The following SKAP2 variants were observed in gnomAD, a reference collection of about 807,000 sequenced individuals.
SKAP2 encodes src kinase-associated phosphoprotein 2.
A neutral mutation model predicts 54.9 loss-of-function variants in SKAP2; 28 were observed. The observed-to-expected ratio is 0.51, with a 90% CI of 0.38 to 0.70. The LOEUF is 0.70. SKAP2 is among the 30% of genes least tolerant of loss of function. The pLI, the probability that SKAP2 is intolerant of heterozygous loss-of-function variation, is 0.00. For missense variants in SKAP2, 356 were observed against 424.1 expected (o/e 0.84, Z 1.41); for synonymous variants, 137 against 134.3 (o/e 1.02, Z -0.14).
intron 4 of SKAP2, among the ~76,000 whole-genome samples, chr7:26,834,384 CA>C (rs1311237057): frequency 6.6e-6 from 1 of 151,970 alleles, no homozygotes; most frequent in Non-Finnish European, 1.5e-5. Context: ...AAAAACCCTT[CA>C]AAAAATCAAT....
At chr7:26,673,268 A>G (rs1447066414) in intron 11 of SKAP2, among the ~76,000 whole-genome samples, 3 of 152,054 alleles carry the variant, frequency 2.0e-5, no homozygotes, top group Non-Finnish European at 4.4e-5. Context: ...AGCTCTTAAC[A>G]TCAGCTGAAA....
At chr7:26,820,341 A>G (rs547163096) in intron 4 of SKAP2, among the ~76,000 whole-genome samples, 12 of 152,328 alleles carry the variant, frequency 7.9e-5, no homozygotes, top group African/African-American at 2.9e-4. Flanking sequence ...TATTTATAAA[A>G]TATTTTCTGA....
At chr7:26,848,572 T>A (rs999729995) in intron 3 of SKAP2, among the ~76,000 whole-genome samples, 1 of 152,192 alleles carries the variant, frequency 6.6e-6, no homozygotes, top group Non-Finnish European at 1.5e-5. Flanking sequence ...GAAACACTTC[T>A]GGTCCCAAGA....
chr7:26,854,693 T>C lies in SKAP2; in HGVS notation c.173+92A>G. 4 of 1,298,670 alleles carry C rather than the reference T, an allele frequency of 3.1e-6. No homozygotes were observed. In the South Asian group the frequency reaches 5.5e-5, roughly 18 times the overall value. The allele number at this position is 1,298,670 out of a possible 1,614,324, so 80.4% of individuals were successfully genotyped here. ...ATCAGTTAAACTGGAACATGAAAAA[T>C]TTAACTCCATAATAATCGATTTCTT... On this transcript the variant is annotated intron_variant, in intron 2 of 12. Transcript: ENST00000345317.
intron 4 of SKAP2, among the ~76,000 whole-genome samples, chr7:26,828,583 A>G (rs1584413999): frequency 1.3e-5 from 2 of 151,454 alleles, no homozygotes; most frequent in Admixed American, 1.3e-4. Context: ...AGGCTGAGGC[A>G]GGAGAATGGC....
intron 4 of SKAP2, among the ~76,000 whole-genome samples, chr7:26,744,435 G>A (rs867293696): frequency 1.3e-5 from 2 of 151,982 alleles, no homozygotes; most frequent in Non-Finnish European, 2.9e-5. Flanking sequence ...GTAGAAAAAT[G>A]TGTCTAGATC....
chr7:26,702,383 C>A (rs1787047865), intron 9 of SKAP2, among the ~76,000 whole-genome samples: 1 of 152,160 alleles, frequency 6.6e-6, no homozygotes, highest in African/African-American at 2.4e-5. Context: ...CTCAAGCAAT[C>A]CACCTGCCTC....
At chr7:26,741,485 G>A (rs1381426603) in intron 4 of SKAP2, among the ~76,000 whole-genome samples, 5 of 151,910 alleles carry the variant, frequency 3.3e-5, no homozygotes, top group African/African-American at 1.2e-4. Context: ...GCTGCAGTGA[G>A]CCATGATTGT....
In SKAP2 at chr7:26,765,950, C is replaced by T. The variant is rs529335441; in HGVS notation, c.308-25986G>A. ...TTTGTTTAGGATTGTCTTAGCTATGCGGGCCCTTTTTTGGTTCCATATGAA... is the reference window on the plus strand; with the variant it reads ...TTTGTTTAGGATTGTCTTAGCTATGTGGGCCCTTTTTTGGTTCCATATGAA... On this transcript the variant is annotated intron_variant, in intron 4 of 12. Transcript: ENST00000345317. Among the ~76,000 whole-genome samples the T allele has an allele frequency of 4.8e-4, 73 of 152,206 alleles. 3 individuals are homozygous for T. Among genetic ancestry groups the T allele is most frequent in the Admixed American group, 4.2e-3 (64 of 15,274 alleles).
At chr7:26,729,611 A>T (rs1325300776) in intron 6 of SKAP2, among the ~76,000 whole-genome samples, 1 of 152,132 alleles carries the variant, frequency 6.6e-6, no homozygotes, top group Non-Finnish European at 1.5e-5. Context: ...AAAACAAATG[A>T]TGTATTAGAA....
the SKAP2 span, among the ~76,000 whole-genome samples, chr7:26,657,735 G>GC: frequency 0.064 from 2,930 of 45,464 alleles, 97 homozygotes; most frequent in African/African-American, 0.16. Context: ...AAAAATCCCC[G>GC]CCCCCCCCGC....
At chr7:26,841,331 CA>C (rs1405328160) in intron 4 of SKAP2, among the ~76,000 whole-genome samples, 1 of 151,830 alleles carries the variant, frequency 6.6e-6, no homozygotes, top group East Asian at 1.9e-4. Flanking sequence ...TGCTATCAAT[CA>C]GGCAGTTGGC....
intron 4 of SKAP2, among the ~76,000 whole-genome samples, chr7:26,769,240 C>T (rs906567669): frequency 1.3e-5 from 2 of 152,144 alleles, no homozygotes; most frequent in Non-Finnish European, 2.9e-5. Context: ...TCTGCTTAAT[C>T]GATTTGGCTA....
chr7:26,716,429 T>C (rs1309670070), intron 9 of SKAP2, among the ~76,000 whole-genome samples: 1 of 152,210 alleles, frequency 6.6e-6, no homozygotes, highest in Non-Finnish European at 1.5e-5. Context: ...TATAGTAGCT[T>C]TCTTTGGATA....
chr7:26,693,637 A>G (rs1413463438), intron 9 of SKAP2, among the ~76,000 whole-genome samples: 1 of 152,236 alleles, frequency 6.6e-6, no homozygotes. Flanking sequence ...ACTATAAAAT[A>G]TCCAAATTGA....
chr7:26,723,251 TCC>T (rs915313022), intron 9 of SKAP2, among the ~76,000 whole-genome samples: 3 of 152,038 alleles, frequency 2.0e-5, no homozygotes, highest in Non-Finnish European at 4.4e-5. Context: ...ACTAGAAAAA[TCC>T]CCTCTGTAGC....
At chr7:26,793,852 T>C (rs1315432513) in intron 4 of SKAP2, among the ~76,000 whole-genome samples, 1 of 152,220 alleles carries the variant, frequency 6.6e-6, no homozygotes, top group Non-Finnish European at 1.5e-5. Context: ...TTGCTAATAT[T>C]GACAGCCTCT....
intron 9 of SKAP2, among the ~76,000 whole-genome samples, chr7:26,695,436 A>C (rs6970475): frequency 0.015 from 2,232 of 152,352 alleles, 27 homozygotes; most frequent in South Asian, 0.033. Flanking sequence ...CATTTTATGA[A>C]TATGAAAAAT....
At chr7:26,820,640 G>C (rs1784368024) in intron 4 of SKAP2, among the ~76,000 whole-genome samples, 1 of 152,000 alleles carries the variant, frequency 6.6e-6, no homozygotes, top group African/African-American at 2.4e-5. Context: ...TCAACACACA[G>C]GTCATGACAT....
Sources: gnomAD v4.1 joint callset for allele counts (sites outside exome capture counted in the v4.1 genomes callset) on GRCh38, gnomAD v4.1.1 for gene constraint, MANE v1.5 for transcripts, NCBI Gene and HGNC (gene_info 2026-07-23, HGNC 2026-07-21) for gene names.